TBXAS1: variants seen among roughly 807,000 people sequenced by gnomAD.
TBXAS1 encodes the protein thromboxane-A synthase.
A neutral mutation model predicts 60.7 loss-of-function variants in TBXAS1; 48 were observed. The ratio of observed to expected loss-of-function variants is 0.79; its 90% CI spans 0.63 to 1.01. TBXAS1 has a LOEUF of 1.01. Ranked by LOEUF, TBXAS1 falls within the 50% of genes least tolerant of loss-of-function variation. The pLI is 0.00. For missense variants in TBXAS1, 685 were observed against 686.3 expected (o/e 1.00, Z 0.02); for synonymous variants, 287 against 269.7 (o/e 1.06, Z -0.63).
At chr7:139,926,032 G>T (rs1358584516) in intron 4 of TBXAS1, among the ~76,000 whole-genome samples, 1 of 152,136 alleles carries the variant, frequency 6.6e-6, no homozygotes, top group Admixed American at 6.5e-5. Context: ...AACTCAGTTT[G>T]CTAGTATTTT....
chr7:139,905,020 TTTCTTTC>T (rs1453632465), intron 3 of TBXAS1, among the ~76,000 whole-genome samples: 3 of 75,688 alleles, frequency 4.0e-5, no homozygotes, highest in African/African-American at 2.4e-4. Context: ...TCTTTCTTTC[TTTCTTTC>T]TTTCTTTCTT....
At chr7:139,992,686 G>T (rs943687193) in intron 9 of TBXAS1, among the ~76,000 whole-genome samples, 1 of 152,228 alleles carries the variant, frequency 6.6e-6, no homozygotes, top group African/African-American at 2.4e-5. Flanking sequence ...GGGGGCCTTC[G>T]TTTCCTCCCT....
At chr7:139,784,171 CCCTT>C (rs1353949297) in intron 3 of TBXAS1, among the ~76,000 whole-genome samples, 1 of 148,256 alleles carries the variant, frequency 6.7e-6, no homozygotes, top group Non-Finnish European at 1.5e-5. Context: ...CTCCCTCCCT[CCCTT>C]CTTTCTCTTT....
chr7:139,934,823 C>A (rs1355260825), intron 4 of TBXAS1, among the ~76,000 whole-genome samples: 1 of 152,004 alleles, frequency 6.6e-6, no homozygotes, highest in Non-Finnish European at 1.5e-5. Flanking sequence ...TTAATTACCT[C>A]TTTTTTTGAG....
At chr7:140,015,032 C>T (rs1029980170) in intron 10 of TBXAS1, among the ~76,000 whole-genome samples, 1 of 152,094 alleles carries the variant, frequency 6.6e-6, no homozygotes, top group African/African-American at 2.4e-5. Flanking sequence ...TACTATTCTT[C>T]AACTTTTCTG....
upstream of TBXAS1, among the ~76,000 whole-genome samples, chr7:139,824,303 GC>G (rs1241187872): frequency 6.6e-6 from 1 of 152,240 alleles, no homozygotes; most frequent in Non-Finnish European, 1.5e-5. Context: ...TCCCCGCATG[GC>G]TCGAGACGGA....
intron 4 of TBXAS1, among the ~76,000 whole-genome samples, chr7:139,920,420 G>A (rs2284204): frequency 0.16 from 23,889 of 152,108 alleles, 3,382 homozygotes; most frequent in African/African-American, 0.38. Flanking sequence ...GGGCCCATAG[G>A]CCCTAAAAGG....
At chr7:139,939,556 AC>A (rs1569516270) in intron 5 of TBXAS1, among the ~76,000 whole-genome samples, 1 of 151,774 alleles carries the variant, frequency 6.6e-6, no homozygotes, top group Non-Finnish European at 1.5e-5. Context: ...GGAGAAGTTA[AC>A]TTTTTCCCCA....
chr7:139,856,476 C>G (rs934294816), intron 1 of TBXAS1, among the ~76,000 whole-genome samples: 1 of 152,142 alleles, frequency 6.6e-6, no homozygotes, highest in Non-Finnish European at 1.5e-5. Flanking sequence ...CTTTATTTCT[C>G]ATAAAGGGTT....
intron 3 of TBXAS1, among the ~76,000 whole-genome samples, chr7:139,877,882 G>A (rs1028600161): frequency 3.3e-5 from 5 of 152,078 alleles, no homozygotes; most frequent in African/African-American, 1.2e-4. Flanking sequence ...AGTTGGCAAT[G>A]ACTTGGAGAC....
intron 4 of TBXAS1, among the ~76,000 whole-genome samples, chr7:139,926,055 T>A (rs1806852011): frequency 6.6e-6 from 1 of 152,194 alleles, no homozygotes. Flanking sequence ...TAACGATTTT[T>A]GCATCAGTGT....
rs955036620 is a variant in TBXAS1 at position 139,986,847 on chromosome 7, G to A, written c.1135-20244G>A. The stretch of plus-strand genomic sequence containing the variant: ...ATAGTTTCTTTATCCACTAGTTGAT[G>A]GGCATTTGGGCTGGTTCCACATTTT... On this transcript the variant is annotated intron_variant, in intron 9 of 12. Coordinates refer to ENST00000448866, the MANE Select transcript of TBXAS1 (RefSeq NM_001061.7). 4.2e-4 allele frequency among the ~76,000 whole-genome samples: 62 copies of A among 147,532 alleles called. 1 individual carries two copies. Among genetic ancestry groups the A allele is most frequent in the African/African-American group, 1.5e-3 (61 of 39,920 alleles).
chr7:140,000,112 A>C (rs1813565988), intron 9 of TBXAS1, among the ~76,000 whole-genome samples: 1 of 152,246 alleles, frequency 6.6e-6, no homozygotes, highest in Admixed American at 6.5e-5. Context: ...AGGAGAGGGC[A>C]GTACTGTTAT....
intron 3 of TBXAS1, among the ~76,000 whole-genome samples, chr7:139,785,179 T>C (rs2117230053): frequency 6.6e-6 from 1 of 152,276 alleles, no homozygotes; most frequent in Non-Finnish European, 1.5e-5. Flanking sequence ...GACCTGATCA[T>C]TTAGGGGCCG....
At chr7:139,854,944 C>T (rs189784066) in intron 1 of TBXAS1, among the ~76,000 whole-genome samples, 36 of 152,278 alleles carry the variant, frequency 2.4e-4, no homozygotes, top group African/African-American at 7.7e-4. Flanking sequence ...GGCTTTCACA[C>T]CTCCGCATCC....
At chr7:139,950,323 A>C (rs1809099428) in intron 5 of TBXAS1, among the ~76,000 whole-genome samples, 1 of 152,126 alleles carries the variant, frequency 6.6e-6, no homozygotes, top group African/African-American at 2.4e-5. Context: ...GACCTGAGCC[A>C]CCACGCCTGG....
Position 139,957,656 on chromosome 7 carries a change from C to T in TBXAS1, c.711C>T (p.Val237=). Residue 237 remains valine, a synonymous_variant, in exon 8 of 13, where the codon GTC becomes GTT. Coordinates refer to ENST00000448866, the MANE Select transcript of TBXAS1 (RefSeq NM_001061.7). ...AAGTATCATTTCCATCCATAATGGT[C>T]CCACTGGCCCGGATTTTGCCCAATA... is the stretch of plus-strand genomic sequence containing the variant. The part of the protein sequence containing the change: ...VLLLSFPSIM[V]PLARILPNKN... The T allele has an allele frequency of 6.2e-7, 1 of 1,614,128 alleles. No individual in the cohort carries two copies. Among genetic ancestry groups the T allele is most frequent in the Non-Finnish European group, 8.5e-7 (1 of 1,180,020 alleles).
chr7:139,802,394 G>A (rs1797743873), intron 4 of TBXAS1, among the ~76,000 whole-genome samples: 1 of 152,182 alleles, frequency 6.6e-6, no homozygotes, highest in South Asian at 2.1e-4. Flanking sequence ...TGTTGTTGGA[G>A]GGACCCAGTG....
At chr7:139,867,922 T>C (rs933119299) in intron 1 of TBXAS1, among the ~76,000 whole-genome samples, 1 of 152,180 alleles carries the variant, frequency 6.6e-6, no homozygotes, top group Non-Finnish European at 1.5e-5. Flanking sequence ...TTGAACCTGA[T>C]TTTGAGAATG....
Sources: allele counts gnomAD v4.1 joint callset (sites outside exome capture counted in the v4.1 genomes callset), GRCh38; gene constraint gnomAD v4.1.1; transcripts MANE v1.5; gene names NCBI Gene and HGNC (gene_info 2026-07-23, HGNC 2026-07-21).